Variants in CANX observed in about 807,000 individuals in gnomAD.
CANX encodes the protein calnexin.
CANX carries 14 observed loss-of-function variants against 75.7 expected under a neutral mutation model. The observed-to-expected ratio is 0.19, with a 90% CI of 0.12 to 0.29. The LOEUF is 0.29. CANX is among the 10% of genes least tolerant of loss of function. The pLI is 1.00. For missense variants in CANX, 567 were observed against 713.2 expected (o/e 0.79, Z 2.34); for synonymous variants, 227 against 236.9 (o/e 0.96, Z 0.38).
intron 1 of CANX, among the ~76,000 whole-genome samples, chr5:179,688,030 C>G (rs1581818478): frequency 1.3e-5 from 2 of 151,306 alleles, no homozygotes; most frequent in South Asian, 4.2e-4. Flanking sequence ...GCAAGACTCC[C>G]TCTCAAAAAT....
chr5:179,698,776 G>A (rs1247453089), upstream of CANX: 8 of 660,440 alleles, frequency 1.2e-5, no homozygotes, highest in East Asian at 4.1e-4. Flanking sequence ...CCTCACTCCC[G>A]GCCAATCTTC....
At chr5:179,699,130 C>T (rs977640593) in intron 1 of CANX, 28 bp downstream of exon 1, 35 of 1,023,422 alleles carry the variant, frequency 3.4e-5, no homozygotes, top group Non-Finnish European at 3.9e-5. Context: ...AGCGCGTCCT[C>T]GGGCCTGTGA....
At chr5:179,698,052 T>A (rs1776464940), upstream of CANX, among the ~76,000 whole-genome samples, 1 of 152,164 alleles carries the variant, frequency 6.6e-6, no homozygotes, top group African/African-American at 2.4e-5. Flanking sequence ...GTCAAGCCTT[T>A]GGGTGTCCAA....
At chr5:179,720,029 C>T (rs1434192622) in intron 9 of CANX, among the ~76,000 whole-genome samples, 5 of 151,904 alleles carry the variant, frequency 3.3e-5, no homozygotes, top group African/African-American at 1.2e-4. Context: ...CGGACTTTCA[C>T]CGTGTTGGCC....
chr5:179,705,926 G>A, intron 2 of CANX, 74 bp downstream of exon 2: 1 of 1,292,618 alleles, frequency 7.7e-7, no homozygotes. Context: ...CGGGTGCAGG[G>A]AAATGTAGTC....
At chr5:179,720,232 T>C (rs1778223793) in intron 9 of CANX, among the ~76,000 whole-genome samples, 172 bp from the exon 10 acceptor site, 1 of 152,246 alleles carries the variant, frequency 6.6e-6, no homozygotes, top group African/African-American at 2.4e-5. Flanking sequence ...TTTTCTTCTT[T>C]TTTAAAAAAT....
chr5:179,708,476 A>T, intron 5 of CANX, 96 bp downstream of exon 5: 1 of 1,150,456 alleles, frequency 8.7e-7, no homozygotes, highest in Non-Finnish European at 1.2e-6. Context: ...TTATGAGATT[A>T]TATAAGTGGT....
chr5:179,722,897 C>T lies in CANX; in HGVS notation c.1276C>T (p.Leu426=). 1 of 1,613,506 alleles carries T rather than the reference C, an allele frequency of 6.2e-7. No homozygotes were observed. Among genetic ancestry groups the T allele is most frequent in the Non-Finnish European group, 8.5e-7 (1 of 1,179,434 alleles). ...MTPFSAIGLE[L]WSMTSDIFFD... ...TCCTTTTAGTGCTATTGGTTTGGAG[C>T]TGTGGTCCATGACCTCTGACATTTT... Residue 426 remains leucine, a synonymous_variant, in exon 11 of 15, where the codon CTG becomes TTG. Transcript: ENST00000247461.
rs1450776193 is a variant in CANX at position 179,681,060 on chromosome 5, C to G, written c.-4+2283C>G. 1.7e-5 allele frequency: 12 copies of G among 694,244 alleles called. No individual in the cohort carries two copies. The East Asian group carries it at 3.4e-4, about 19-fold the overall frequency. 43.0% of individuals were successfully genotyped at this position (694,244 alleles called of 1,614,324 possible). A position where few individuals can be genotyped will look rare whatever the true frequency, so the allele number is the denominator to read the frequency against. ...AGTCCCATCTCTGACCCACTCAGCTCTTGTCCACCTGCTATGACTCACAAT... is the reference window on the plus strand; with the variant it reads ...AGTCCCATCTCTGACCCACTCAGCTGTTGTCCACCTGCTATGACTCACAAT... On this transcript the variant is annotated intron_variant, in intron 1 of 14. Coordinates refer to the CANX transcript ENST00000681674.
In CANX at chr5:179,720,407, T is replaced by C. The variant is rs1581889628; in HGVS notation, c.1029T>C (p.Asp343=). 1.2e-6 allele frequency: 2 copies of C among 1,613,784 alleles called. No homozygotes were observed. The highest frequency in any genetic ancestry group is 2.2e-5 in the South Asian group (2 of 91,078). The change falls in exon 10 of 15, where the codon GAT becomes GAC. Residue 343 remains aspartate (D), a synonymous_variant. Coordinates refer to ENST00000247461, the MANE Select transcript of CANX (RefSeq NM_001746.4). ...TTTGTTGTTTGTACCTCCGTAGGGA[T>C]GAAGACATGGATGGAGAATGGGAGG... The part of the protein sequence containing the change: ...DPDAEKPEDW[D]EDMDGEWEAP...
intron 1 of CANX, among the ~76,000 whole-genome samples, chr5:179,686,990 T>A (rs1385488135): frequency 1.3e-5 from 2 of 152,328 alleles, no homozygotes; most frequent in African/African-American, 2.4e-5. Context: ...TTGGTCAGGC[T>A]GGTCTTGAAC....
intron 1 of CANX, among the ~76,000 whole-genome samples, chr5:179,684,700 T>C (rs1776152985): frequency 6.6e-6 from 1 of 151,746 alleles, no homozygotes; most frequent in African/African-American, 2.4e-5. Context: ...TTTGCTGTTG[T>C]TTTGTTGTTG....
At chr5:179,719,848 G>GTGAGACTCCA in intron 9 of CANX, 67 bp downstream of exon 9, 1 of 820,704 alleles carries the variant, frequency 1.2e-6, no homozygotes, top group Non-Finnish European at 2.0e-6. Flanking sequence ...TTGAGATGGA[G>GTGAGACTCCA]TCTCACTCTG....
intron 1 of CANX, among the ~76,000 whole-genome samples, chr5:179,691,381 G>T (rs1776296196): frequency 6.6e-6 from 1 of 152,048 alleles, no homozygotes; most frequent in South Asian, 2.1e-4. Context: ...GTTAGCCAGT[G>T]TATTGTTTTT....
chr5:179,712,927 T>C (rs1257936786), intron 7 of CANX, among the ~76,000 whole-genome samples: 5 of 142,690 alleles, frequency 3.5e-5, no homozygotes, highest in South Asian at 4.3e-4. Context: ...TTTTTTTTTT[T>C]CCAGCTAATT....
rs1775979658 is a variant in CANX, at chr5:179,679,053, G to A, written c.-4+276G>A. The A allele has an allele frequency of 3.3e-6, 5 of 1,534,480 alleles. No homozygotes were observed. In the African/African-American group the frequency reaches 5.5e-5, roughly 17 times the overall value. ...AGTGGCGGCCGCCGTGGCGAGAAGGGCCGCGAGATGTGATCGGCCCAAAAC... is the reference window on the plus strand; with the variant it reads ...AGTGGCGGCCGCCGTGGCGAGAAGGACCGCGAGATGTGATCGGCCCAAAAC... On this transcript the variant is annotated intron_variant, in intron 1 of 14. Coordinates refer to the CANX transcript ENST00000681674.
At chr5:179,691,537 A>G (rs754042896) in intron 1 of CANX, among the ~76,000 whole-genome samples, 5 of 151,836 alleles carry the variant, frequency 3.3e-5, no homozygotes, top group Non-Finnish European at 7.4e-5. Context: ...GGGAGATCCC[A>G]TCTCTGCAAA....
chr5:179,703,887 C>G (rs1254413323), intron 1 of CANX, among the ~76,000 whole-genome samples: 3 of 152,012 alleles, frequency 2.0e-5, no homozygotes, highest in Non-Finnish European at 4.4e-5. Context: ...ACTAGAGGCC[C>G]TGGTAATATA....
intron 7 of CANX, among the ~76,000 whole-genome samples, chr5:179,710,776 G>A (rs1777499509): frequency 6.8e-6 from 1 of 147,268 alleles, no homozygotes; most frequent in African/African-American, 2.5e-5. Context: ...ATCTCAGCCT[G>A]GTATGGTTGC....
Sources: allele counts gnomAD v4.1 joint callset (sites outside exome capture counted in the v4.1 genomes callset), GRCh38; gene constraint gnomAD v4.1.1; transcripts MANE v1.5; gene names NCBI Gene and HGNC (gene_info 2026-07-23, HGNC 2026-07-21).